FAM171A1: variants seen among roughly 807,000 people sequenced by gnomAD.
FAM171A1 encodes the protein protein FAM171A1.
Under a neutral mutation model 74.9 loss-of-function variants are expected in FAM171A1, and 23 were observed. The observed-to-expected ratio is 0.31, with a 90% CI of 0.22 to 0.44. The LOEUF is 0.44. Ranked by LOEUF, FAM171A1 falls within the 20% of genes least tolerant of loss-of-function variation. The probability of loss-of-function intolerance (pLI) is 1.00; values close to 1 mark genes in which losing one functional copy is unlikely to be tolerated. For synonymous variants in FAM171A1, 527 were observed against 505.7 expected, an observed-to-expected ratio of 1.04 and a Z score of -0.57; for missense variants, 1,162 against 1,159.2, an observed-to-expected ratio of 1.00 and a Z score of -0.03.
chr10:15,276,596 T>G (rs976309694), intron 2 of FAM171A1, among the ~76,000 whole-genome samples: 3 of 152,226 alleles, frequency 2.0e-5, no homozygotes, highest in Non-Finnish European at 2.9e-5. Context: ...AGAATGGCTT[T>G]AAAAATACGT....
intron 5 of FAM171A1, among the ~76,000 whole-genome samples, chr10:15,247,876 G>A (rs1184052099): frequency 6.6e-6 from 1 of 152,174 alleles, no homozygotes; most frequent in Non-Finnish European, 1.5e-5. Flanking sequence ...AGGAGGTAAG[G>A]CCTCTGGTCA....
upstream of FAM171A1, among the ~76,000 whole-genome samples, chr10:15,371,318 C>CGCT (rs1385468180): frequency 2.7e-5 from 4 of 145,840 alleles, no homozygotes; most frequent in Admixed American, 6.8e-5. Context: ...CCGCCGCCGC[C>CGCT]GCCGCTGCCC....
chr10:15,247,352 A>T (rs1465716425), intron 5 of FAM171A1, among the ~76,000 whole-genome samples: 1 of 152,038 alleles, frequency 6.6e-6, no homozygotes, highest in Non-Finnish European at 1.5e-5. Context: ...ACTCACTGTG[A>T]CTTTGAATTC....
In FAM171A1 at chr10:15,220,937, G is replaced by A. The variant is rs373654301; in HGVS notation, c.871+7C>T. ...CCGCATCATCGCAAGTGTTGGCTCC[G>A]TGTTACCTGGGATGGGAGGGGACAT... On this transcript the variant is annotated splice_region_variant and intron_variant, in intron 6 of 7. Transcript: ENST00000378116. 2.4e-5 allele frequency: 39 copies of A among 1,607,192 alleles called. No individual in the cohort carries two copies. The highest frequency in any genetic ancestry group is 8.9e-5 in the East Asian group (4 of 44,788).
chr10:15,304,218 G>C (rs983099547), intron 1 of FAM171A1, among the ~76,000 whole-genome samples: 1 of 152,220 alleles, frequency 6.6e-6, no homozygotes, highest in Non-Finnish European at 1.5e-5. Context: ...GACCGTCATG[G>C]TGAGTAGGTA....
intron 4 of FAM171A1, 67 bp downstream of exon 4, chr10:15,254,654 C>T (rs1320755383): frequency 1.3e-6 from 2 of 1,547,962 alleles, no homozygotes; most frequent in Non-Finnish European, 1.8e-6. Context: ...CCCAATCATA[C>T]CTAAAATCCA....
At chr10:15,342,245 C>G (rs1835772758) in intron 1 of FAM171A1, among the ~76,000 whole-genome samples, 1 of 152,154 alleles carries the variant, frequency 6.6e-6, no homozygotes, top group Non-Finnish European at 1.5e-5. Context: ...TCATTAGCAG[C>G]CTAGTGCTAC....
chr10:15,367,738 C>T (rs1836083721), intron 1 of FAM171A1, among the ~76,000 whole-genome samples: 1 of 152,206 alleles, frequency 6.6e-6, no homozygotes, highest in African/African-American at 2.4e-5. Context: ...CTGAGATGAG[C>T]AAAAAGCTAG....
At chr10:15,268,708 G>A (rs998326226) in intron 3 of FAM171A1, among the ~76,000 whole-genome samples, 3 of 152,140 alleles carry the variant, frequency 2.0e-5, no homozygotes, top group Non-Finnish European at 4.4e-5. Context: ...TGTGGGCCCA[G>A]CACAGGCACT....
intron 1 of FAM171A1, among the ~76,000 whole-genome samples, chr10:15,364,285 T>G (rs1328819664): frequency 2.6e-5 from 4 of 152,038 alleles, no homozygotes; most frequent in Admixed American, 6.6e-5. Flanking sequence ...CACAGCACAC[T>G]CAATGGACCC....
chr10:15,317,888 T>C (rs1835441538), intron 1 of FAM171A1, among the ~76,000 whole-genome samples: 2 of 152,118 alleles, frequency 1.3e-5, no homozygotes, highest in Non-Finnish European at 2.9e-5. Flanking sequence ...TCTCCTGGGC[T>C]CAACCAATTC....
rs149410767 is a variant in FAM171A1, at chr10:15,227,715, A to G, written c.755-6655T>C. On this transcript the variant is annotated intron_variant, in intron 5 of 7. Coordinates refer to ENST00000378116, the MANE Select transcript of FAM171A1 (RefSeq NM_001010924.2). Reference sequence around the variant, plus strand: ...ATTCTTTAGAGTTAGACCTTACACAATGGAAAGACTCGGAGATATTTTCAA... The same window carrying G: ...ATTCTTTAGAGTTAGACCTTACACAGTGGAAAGACTCGGAGATATTTTCAA... Among the ~76,000 whole-genome samples, 174 of 152,322 alleles carry G rather than the reference A, an allele frequency of 1.1e-3. 1 individual carries two copies. The highest frequency in any genetic ancestry group is 9.0e-3 in the Admixed American group (137 of 15,302).
intron 1 of FAM171A1, among the ~76,000 whole-genome samples, chr10:15,329,701 C>T (rs951664638): frequency 6.6e-6 from 1 of 150,906 alleles, no homozygotes; most frequent in Non-Finnish European, 1.5e-5. Flanking sequence ...ATGCTGGGGA[C>T]AGGGATACAT....
chr10:15,366,705 TTTC>T (rs1475914828), intron 1 of FAM171A1, among the ~76,000 whole-genome samples: 6 of 152,240 alleles, frequency 3.9e-5, no homozygotes, highest in Admixed American at 3.9e-4. Flanking sequence ...TATTCAATTT[TTTC>T]TTCATGATAC....
At chr10:15,224,823 G>A (rs962759287) in intron 5 of FAM171A1, among the ~76,000 whole-genome samples, 3 of 152,146 alleles carry the variant, frequency 2.0e-5, no homozygotes, top group Non-Finnish European at 4.4e-5. Context: ...TCAGCAGCGT[G>A]AAAACAGACT....
At chr10:15,344,643 T>C (rs1354367386) in intron 1 of FAM171A1, among the ~76,000 whole-genome samples, 2 of 152,228 alleles carry the variant, frequency 1.3e-5, no homozygotes, top group African/African-American at 4.8e-5. Context: ...TATCTTTATA[T>C]TAAAATTTTA....
At chr10:15,332,709 A>C (rs984721917) in intron 1 of FAM171A1, among the ~76,000 whole-genome samples, 25 of 152,166 alleles carry the variant, frequency 1.6e-4, no homozygotes, top group Non-Finnish European at 3.2e-4. Flanking sequence ...CAGGCAATGC[A>C]ACTGTTCTGT....
At chr10:15,248,450 G>T (rs558659271) in intron 5 of FAM171A1, among the ~76,000 whole-genome samples, 189 bp downstream of exon 5, 5 of 152,172 alleles carry the variant, frequency 3.3e-5, no homozygotes, top group African/African-American at 1.2e-4. Context: ...AACAAAAAAT[G>T]AGTTCCCAAG....
At chr10:15,358,486 G>A (rs1431362191) in intron 1 of FAM171A1, among the ~76,000 whole-genome samples, 2 of 152,066 alleles carry the variant, frequency 1.3e-5, no homozygotes, top group African/African-American at 4.8e-5. Context: ...CTCACCAGTC[G>A]CTGGGTTCAA....
Sources: allele counts gnomAD v4.1 joint callset (sites outside exome capture counted in the v4.1 genomes callset), GRCh38; gene constraint gnomAD v4.1.1; transcripts MANE v1.5; gene names NCBI Gene and HGNC (gene_info 2026-07-23, HGNC 2026-07-21).